Variants in GALNT13 observed in about 807,000 individuals in gnomAD.
GALNT13 encodes the protein polypeptide N-acetylgalactosaminyltransferase 13.
Under a neutral mutation model 64.2 loss-of-function variants are expected in GALNT13, and 28 were observed. That is an observed-to-expected ratio of 0.44 (90% CI 0.32 to 0.60). The LOEUF (loss-of-function observed/expected upper bound fraction) is 0.60. Ranked by LOEUF, GALNT13 falls within the 20% of genes least tolerant of loss-of-function variation. The pLI, the probability that GALNT13 is intolerant of heterozygous loss-of-function variation, is 0.05. For synonymous variants in GALNT13, 214 were observed against 224.6 expected (o/e 0.95, Z 0.42); for missense variants, 577 against 669.8 (o/e 0.86, Z 1.53).
the GALNT13 span, among the ~76,000 whole-genome samples, chr2:153,386,616 G>A: frequency 2.6e-5 from 4 of 151,960 alleles, no homozygotes; most frequent in Non-Finnish European, 4.4e-5. Flanking sequence ...GAAGGGGTAT[G>A]TTCTATCCCA....
intron 9 of GALNT13, among the ~76,000 whole-genome samples, chr2:154,377,854 C>T (rs573516218): frequency 1.1e-4 from 16 of 152,102 alleles, no homozygotes; most frequent in African/African-American, 3.6e-4. Flanking sequence ...GGTGAAGAAG[C>T]AAAGTCATTT....
At chr2:153,628,720 T>C in the GALNT13 span, among the ~76,000 whole-genome samples, 1 of 152,148 alleles carries the variant, frequency 6.6e-6, no homozygotes, top group Non-Finnish European at 1.5e-5. Context: ...TGAATAAGCT[T>C]TTTGATGTGC....
chr2:154,015,266 T>A (rs1323017541), intron 3 of GALNT13, among the ~76,000 whole-genome samples: 2 of 152,238 alleles, frequency 1.3e-5, no homozygotes, highest in African/African-American at 2.4e-5. Context: ...ATTTAGTGAA[T>A]TTATTTTAAG....
the GALNT13 span, among the ~76,000 whole-genome samples, chr2:153,720,041 C>T: frequency 6.7e-6 from 1 of 149,488 alleles, no homozygotes; most frequent in Non-Finnish European, 1.5e-5. Context: ...GCAGTAACCT[C>T]TGCAGACTTA....
intron 3 of GALNT13, among the ~76,000 whole-genome samples, chr2:154,058,670 A>T (rs1700022992): frequency 6.6e-6 from 1 of 152,206 alleles, no homozygotes; most frequent in South Asian, 2.1e-4. Flanking sequence ...CTAGGGTGGC[A>T]TCATGTCTGC....
chr2:154,348,029 T>C (rs1696169186), intron 9 of GALNT13, among the ~76,000 whole-genome samples: 1 of 152,220 alleles, frequency 6.6e-6, no homozygotes, highest in South Asian at 2.1e-4. Context: ...CAAACTTTAC[T>C]AAGAAGCAGT....
the GALNT13 span, among the ~76,000 whole-genome samples, chr2:153,709,275 AAACAAC>A: frequency 1.3e-5 from 2 of 152,058 alleles, no homozygotes. Flanking sequence ...GAATAGCAAA[AAACAAC>A]AACAACAAAA....
chr2:153,545,739 G>T, the GALNT13 span, among the ~76,000 whole-genome samples: 84 of 152,294 alleles, frequency 5.5e-4, 1 homozygote, highest in East Asian at 0.014. Flanking sequence ...TATCTAGGGA[G>T]AGAGTCATAG....
the GALNT13 span, among the ~76,000 whole-genome samples, chr2:153,433,362 G>C: frequency 6.6e-6 from 1 of 152,104 alleles, no homozygotes; most frequent in East Asian, 1.9e-4. Flanking sequence ...TTAATGTCAA[G>C]TATAATTTAG....
chr2:153,758,982 G>C, the GALNT13 span, among the ~76,000 whole-genome samples: 1 of 152,088 alleles, frequency 6.6e-6, no homozygotes. Flanking sequence ...TTTCATCAAA[G>C]CTTTGAAATT....
chr2:154,371,620 ACT>A (rs945630800), intron 9 of GALNT13, among the ~76,000 whole-genome samples: 2 of 151,948 alleles, frequency 1.3e-5, no homozygotes, highest in African/African-American at 4.8e-5. Context: ...GGGGACAGAA[ACT>A]CTGCATAATT....
intron 12 of GALNT13, chr2:154,446,470 C>G: frequency 7.9e-7 from 1 of 1,273,088 alleles, no homozygotes; most frequent in Non-Finnish European, 1.0e-6. Context: ...TGCCTTCCAT[C>G]TTTATCCAGT....
chr2:153,354,669 T>A, the GALNT13 span, among the ~76,000 whole-genome samples: 2 of 152,150 alleles, frequency 1.3e-5, no homozygotes, highest in African/African-American at 2.4e-5. Context: ...TTGTTTACCA[T>A]CTCCCTGCCC....
chr2:153,859,609 T>C, the GALNT13 span, among the ~76,000 whole-genome samples: 1 of 152,154 alleles, frequency 6.6e-6, no homozygotes, highest in Non-Finnish European at 1.5e-5. Flanking sequence ...AATAAATAGA[T>C]AAGTATAACA....
At chr2:154,203,319 T>G (rs1430055333) in intron 4 of GALNT13, among the ~76,000 whole-genome samples, 2 of 152,174 alleles carry the variant, frequency 1.3e-5, no homozygotes, top group African/African-American at 2.4e-5. Context: ...TAATAACTTA[T>G]TAATATTCTG....
the GALNT13 span, among the ~76,000 whole-genome samples, chr2:153,411,614 AC>A: frequency 6.6e-6 from 1 of 152,128 alleles, no homozygotes; most frequent in Non-Finnish European, 1.5e-5. Context: ...ATGAGATGAA[AC>A]TGGAGGGGCA....
At chr2:154,162,927 C>G (rs78471051) in intron 4 of GALNT13, among the ~76,000 whole-genome samples, 4 of 151,638 alleles carry the variant, frequency 2.6e-5, no homozygotes, top group Admixed American at 2.0e-4. Context: ...TGAAAAAGAA[C>G]AAAACTCTGT....
At chr2:153,716,718 T>C in the GALNT13 span, among the ~76,000 whole-genome samples, 2 of 151,550 alleles carry the variant, frequency 1.3e-5, no homozygotes, top group African/African-American at 4.8e-5. Flanking sequence ...TTGAATACTA[T>C]CCCACTTAAC....
the GALNT13 span, among the ~76,000 whole-genome samples, chr2:153,766,273 G>T: frequency 1.3e-5 from 2 of 151,750 alleles, no homozygotes; most frequent in East Asian, 3.9e-4. Flanking sequence ...CTTATCTCTT[G>T]CTATTTTCAT....
Sources: gnomAD v4.1 joint callset for allele counts (sites outside exome capture counted in the v4.1 genomes callset) on GRCh38, gnomAD v4.1.1 for gene constraint, MANE v1.5 for transcripts, NCBI Gene and HGNC (gene_info 2026-07-23, HGNC 2026-07-21) for gene names.